Variants in TARS3 observed in about 807,000 individuals in gnomAD.
TARS3 encodes the protein threonyl-tRNA synthetase 3, also known as threonine--tRNA ligase 2, cytoplasmic.
Under a neutral mutation model 103.5 loss-of-function variants are expected in TARS3, and 94 were observed. The ratio of observed to expected loss-of-function variants is 0.91; its 90% CI spans 0.77 to 1.08. The LOEUF (loss-of-function observed/expected upper bound fraction) is 1.08. Among genes scored for constraint, TARS3 ranks in the 50% least tolerant of loss-of-function variants. The pLI is 0.00. For synonymous variants in TARS3, 416 were observed against 355.4 expected, an observed-to-expected ratio of 1.17 and a Z score of -1.92; for missense variants, 952 against 995.2, an observed-to-expected ratio of 0.96 and a Z score of 0.58.
intron 10 of TARS3, among the ~76,000 whole-genome samples, chr15:101,692,102 T>C (rs1898752699): frequency 6.6e-6 from 1 of 152,202 alleles, no homozygotes; most frequent in Admixed American, 6.5e-5. Flanking sequence ...ATACTTTCCA[T>C]ATGGTTTCTG....
Position 101,724,121 on chromosome 15 carries a change from C to A in TARS3, c.267G>T (p.Glu89Asp). 7.1e-7 allele frequency: 1 copy of A among 1,412,094 alleles called. No homozygotes were observed. The highest frequency in any genetic ancestry group is 9.2e-7 in the Non-Finnish European group (1 of 1,083,576). The allele number at this position is 1,412,094 out of a possible 1,614,324, so 87.5% of individuals were successfully genotyped here. ...RSRQATLESAELEAAQEAGAQ... is the reference protein window; with the variant it reads ...RSRQATLESADLEAAQEAGAQ... ...CGCCGGCCTCCTGCGCCGCCTCTAG[C>A]TCCGCGCTCTCCAGCGTGGCCTGGC... Residue 89 changes from glutamate to aspartate, a missense_variant, in exon 1 of 19, where the codon GAG becomes GAT. By Grantham distance (45) the Glu-to-Asp change is conservative. This residue lies in a region of TARS3 where 412 missense variants were observed against 364.2 expected (regional missense o/e 1.13). Coordinates refer to ENST00000335968, the MANE Select transcript of TARS3 (RefSeq NM_152334.3).
At position 101,682,542 on chromosome 15, in the gene TARS3, T is replaced by C. The variant is rs541453137; in HGVS notation, c.1650+1533A>G. Among the ~76,000 whole-genome samples, 13 of 152,290 alleles carry C rather than the reference T, an allele frequency of 8.5e-5. No individual in the cohort carries two copies. The East Asian group carries it at 2.5e-3, about 29-fold the overall frequency. ...TAAAAAATTACTAGATTTGACTTAG[T>C]AAAATGTTGTTTAAATTTTTTGATT... On this transcript the variant is annotated intron_variant, in intron 12 of 18. Transcript: ENST00000335968.
intron 10 of TARS3, among the ~76,000 whole-genome samples, chr15:101,697,395 G>A (rs1054818766): frequency 2.0e-5 from 3 of 152,146 alleles, no homozygotes; most frequent in Non-Finnish European, 4.4e-5. Flanking sequence ...AACAGAAAGG[G>A]TACCCAAAGA....
intron 10 of TARS3, among the ~76,000 whole-genome samples, chr15:101,697,800 C>T (rs555053817): frequency 2.0e-5 from 3 of 152,322 alleles, no homozygotes; most frequent in South Asian, 4.1e-4. Flanking sequence ...TTCCATTAAA[C>T]ACGAAGGCTC....
intron 2 of TARS3, among the ~76,000 whole-genome samples, chr15:101,722,325 T>C (rs1289168222): frequency 5.3e-5 from 8 of 151,678 alleles, no homozygotes; most frequent in Admixed American, 3.9e-4. Flanking sequence ...CAGCACTTAC[T>C]TGTATACCAT....
At chr15:101,718,195 G>A (rs143027435) in intron 3 of TARS3, among the ~76,000 whole-genome samples, 5 of 152,104 alleles carry the variant, frequency 3.3e-5, no homozygotes, top group Non-Finnish European at 1.5e-5. Context: ...ATGGAGAAAC[G>A]CCATCCTTAC....
intron 18 of TARS3, chr15:101,655,764 A>T: frequency 8.7e-7 from 1 of 1,145,372 alleles, no homozygotes; most frequent in Non-Finnish European, 1.1e-6. Flanking sequence ...GGTGCAGATG[A>T]GAGTGGGGAG....
intron 15 of TARS3, among the ~76,000 whole-genome samples, chr15:101,669,763 A>G (rs369958164): frequency 1.1e-4 from 16 of 152,244 alleles, no homozygotes; most frequent in South Asian, 8.3e-4. Flanking sequence ...CTAGGTATGT[A>G]GTAGGCTCTA....
intron 10 of TARS3, among the ~76,000 whole-genome samples, chr15:101,688,456 T>C (rs1433337908): frequency 6.6e-6 from 1 of 152,124 alleles, no homozygotes; most frequent in African/African-American, 2.4e-5. Flanking sequence ...AAAATCATAT[T>C]TCATCCTGGA....
At chr15:101,711,734 C>G in intron 5 of TARS3, 146 bp downstream of exon 5, 1 of 880,926 alleles carries the variant, frequency 1.1e-6, no homozygotes, top group South Asian at 2.2e-5. Context: ...AAGTTGAACT[C>G]GGATTTTCAA....
Position 101,654,363 on chromosome 15 carries a change from G to A in TARS3, c.*219C>T. On this transcript the variant is annotated 3_prime_UTR_variant, in exon 19 of 19. Coordinates refer to ENST00000335968, the MANE Select transcript of TARS3 (RefSeq NM_152334.3). The stretch of plus-strand genomic sequence containing the variant: ...ATTTAAGTTTCTCAAGGCATTGATT[G>A]CTGGAAAATTTCCCACGTGCCCTCT... 1 of 444,714 alleles carries A rather than the reference G, an allele frequency of 2.2e-6. No homozygotes were observed. The highest frequency in any genetic ancestry group is 3.9e-6 in the Non-Finnish European group (1 of 256,824). The allele number at this position is 444,714 out of a possible 1,614,324, so 27.5% of individuals were successfully genotyped here.
intron 3 of TARS3, among the ~76,000 whole-genome samples, chr15:101,715,812 A>C (rs1596328977): frequency 6.6e-6 from 1 of 152,302 alleles, no homozygotes; most frequent in East Asian, 1.9e-4. Flanking sequence ...TTTTCTGGGA[A>C]TACATCCACA....
At chr15:101,664,776 C>A (rs1011402031) in intron 15 of TARS3, among the ~76,000 whole-genome samples, 2 of 152,080 alleles carry the variant, frequency 1.3e-5, no homozygotes, top group Non-Finnish European at 2.9e-5. Flanking sequence ...GAAGAAAAGA[C>A]AAACAACAGT....
rs74033400 is a variant in TARS3, at chr15:101,702,195, T to C, written c.1221+44A>G. The C allele has an allele frequency of 2.3e-3, 3,607 of 1,601,198 alleles. 87 individuals are homozygous for C. The African/African-American group carries it at 0.044, about 20-fold the overall frequency. On this transcript the variant is annotated intron_variant, in intron 9 of 18. Coordinates refer to ENST00000335968, the MANE Select transcript of TARS3 (RefSeq NM_152334.3). ...TTTGTGAGACAGAAACATTCCTATG[T>C]TGGCTTATGATTACATCTCCAGTGA...
intron 10 of TARS3, among the ~76,000 whole-genome samples, chr15:101,691,111 T>C (rs1187647094): frequency 2.0e-5 from 3 of 146,560 alleles, no homozygotes; most frequent in East Asian, 4.2e-4. Context: ...GCTAATTTTT[T>C]TGCATTTTTA....
At chr15:101,671,400 TA>T (rs1456318091) in intron 15 of TARS3, 85 bp downstream of exon 15, 2 of 966,064 alleles carry the variant, frequency 2.1e-6, no homozygotes, top group East Asian at 2.5e-5. Context: ...AGACATTCAC[TA>T]ATGTTTATTT....
At position 101,723,019 on chromosome 15, in the gene TARS3, CTAGG is replaced by C; in HGVS notation, c.369+70_369+73del. 3.8e-6 allele frequency: 5 copies of C among 1,324,688 alleles called. No homozygotes were observed. In the South Asian group the frequency reaches 6.2e-5, roughly 16 times the overall value. 82.1% of individuals were successfully genotyped at this position (1,324,688 alleles called of 1,614,324 possible). ...TAATCAGTAATTTTTATTGGAAATC[CTAGG>C]TAATTAACTATATACACATATTTAA... On this transcript the variant is annotated intron_variant, in intron 2 of 18. Transcript: ENST00000335968.
intron 16 of TARS3, among the ~76,000 whole-genome samples, chr15:101,659,344 T>TACAG (rs1897295463): frequency 6.6e-6 from 1 of 152,202 alleles, no homozygotes; most frequent in African/African-American, 2.4e-5. Flanking sequence ...ACATGATAAA[T>TACAG]GGTAGAACAC....
At position 101,672,446 on chromosome 15, in the gene TARS3, C is replaced by T. The variant is rs113364630; in HGVS notation, c.1789-698G>A. On this transcript the variant is annotated intron_variant, in intron 13 of 18. Coordinates refer to ENST00000335968, the MANE Select transcript of TARS3 (RefSeq NM_152334.3). Reference sequence around the variant, plus strand: ...CACGTGGGCATTCCTGAGTCCTTGGCCAAAAGTACTGCCAAAACACGAGCC... The same window carrying T: ...CACGTGGGCATTCCTGAGTCCTTGGTCAAAAGTACTGCCAAAACACGAGCC... Among the ~76,000 whole-genome samples, 91 of 152,282 alleles carry T rather than the reference C, an allele frequency of 6.0e-4. 2 individuals are homozygous for T. The highest frequency in any genetic ancestry group is 3.4e-3 in the Middle Eastern group (1 of 294).
Sources: gnomAD v4.1 joint callset for allele counts (sites outside exome capture counted in the v4.1 genomes callset) on GRCh38, gnomAD v4.1.1 for gene constraint, gnomAD v4.1.1 regional missense constraint, MANE v1.5 for transcripts, NCBI Gene and HGNC (gene_info 2026-07-23, HGNC 2026-07-21) for gene names.